Variants in NRK observed in about 807,000 individuals in gnomAD.
NRK encodes Nik related kinase.
NRK carries 67 observed loss-of-function variants against 125.2 expected under a neutral mutation model. That is an observed-to-expected ratio of 0.54 (90% CI 0.44 to 0.66). The LOEUF is 0.66. NRK is among the 30% of genes least tolerant of loss of function. The probability of loss-of-function intolerance (pLI) is 0.00; values close to 1 mark genes in which losing one functional copy is unlikely to be tolerated. For missense variants in NRK, 1,224 were observed against 1,192.9 expected (o/e 1.03, Z -0.38); for synonymous variants, 458 against 429.0 (o/e 1.07, Z -0.84).
intron 10 of NRK, 36 bp from the exon 11 acceptor site, chrX:105,906,378 A>G: frequency 2.2e-6 from 2 of 921,749 alleles, no homozygotes; most frequent in Non-Finnish European, 3.0e-6. Context: ...CAGGACTGAG[A>G]ACACTTTTTT....
chrX:105,937,582 GGTTT>G lies in NRK; in HGVS notation c.3799+5_3799+8del. 3 of 1,184,957 alleles carry G rather than the reference GGTTT, an allele frequency of 2.5e-6. No individual in the cohort carries two copies. Among genetic ancestry groups the G allele is most frequent in the Non-Finnish European group, 3.4e-6 (3 of 878,600 alleles). ...ACTCAATTTGCTGATTACCATCTCA[GGTTT>G]GTTTAAGAACTAAAATTAGCTGAGT... On this transcript the variant is annotated splice_donor_variant and splice_donor_region_variant and intron_variant, in intron 22 of 28. Coordinates refer to ENST00000243300, the MANE Select transcript of NRK (RefSeq NM_198465.4). LOFTEE classifies it high-confidence loss of function.
At chrX:105,896,575 C>G (rs2040085658) in intron 7 of NRK, among the ~76,000 whole-genome samples, 2 of 111,417 alleles carry the variant, frequency 1.8e-5, no homozygotes, top group African/African-American at 6.5e-5. Flanking sequence ...TGCAGTAGCT[C>G]ATACTTATAA....
chrX:105,901,595 A>G (rs1158328818), intron 9 of NRK, among the ~76,000 whole-genome samples: 1 of 111,046 alleles, frequency 9.0e-6, no homozygotes, highest in East Asian at 2.8e-4. Context: ...CTATCTTAGC[A>G]TTTTGTTTCA....
Position 105,915,814 on chromosome X carries a change from T to C in NRK, c.2417+17T>C. On this transcript the variant is annotated intron_variant, in intron 15 of 28. Coordinates refer to ENST00000243300, the MANE Select transcript of NRK (RefSeq NM_198465.4). ...CTCTTCAAGGTATGTGTCTTTGATT[T>C]CTATATTAAAATTATTCATAATTAT... The C allele has an allele frequency of 2.2e-6, 2 of 918,965 alleles. No individual in the cohort carries two copies. The highest frequency in any genetic ancestry group is 3.1e-6 in the Non-Finnish European group (2 of 638,439). 75.7% of individuals were successfully genotyped at this position (918,965 alleles called of 1,213,427 possible).
At position 105,833,714 on chromosome X, in the gene NRK, A is replaced by G. The variant is rs140828739; in HGVS notation, c.123+2595A>G. ...TATTGGGATATAATATATATTTGGT[A>G]AGATTAACTCTTTTAAGTGTACAAC... On this transcript the variant is annotated intron_variant, in intron 2 of 28. Coordinates refer to ENST00000243300, the MANE Select transcript of NRK (RefSeq NM_198465.4). Among the ~76,000 whole-genome samples the G allele has an allele frequency of 5.4e-5, 6 of 111,612 alleles. No individual in the cohort carries two copies. In the East Asian group the frequency reaches 1.4e-3, roughly 26 times the overall value.
chrX:105,890,110 T>G (rs1336973003), intron 5 of NRK, among the ~76,000 whole-genome samples: 1 of 111,713 alleles, frequency 9.0e-6, no homozygotes, highest in Non-Finnish European at 1.9e-5. Flanking sequence ...TTCCAGAAGA[T>G]ACCCTAAATT....
intron 2 of NRK, among the ~76,000 whole-genome samples, chrX:105,860,189 A>G (rs1338738214): frequency 9.0e-6 from 1 of 111,564 alleles, no homozygotes; most frequent in Non-Finnish European, 1.9e-5. Flanking sequence ...AGAGTTAGCT[A>G]ATGATAAACA....
intron 1 of NRK, among the ~76,000 whole-genome samples, chrX:105,829,236 G>A (rs1177628508): frequency 8.9e-6 from 1 of 112,053 alleles, no homozygotes; most frequent in Admixed American, 9.5e-5. Flanking sequence ...ATTGAATGAT[G>A]TAATCCCAAA....
Position 105,956,614 on chromosome X carries a change from A to AT in NRK, c.*1020dup, listed in dbSNP as rs1482406529. The AT allele has an allele frequency of 1.8e-5, 2 of 112,235 alleles. No individual in the cohort carries two copies. The highest frequency in any genetic ancestry group is 3.8e-5 in the Non-Finnish European group (2 of 53,264). The allele number at this position is 112,235 out of a possible 1,213,427, so 9.2% of individuals were successfully genotyped here. A position where few individuals can be genotyped will look rare whatever the true frequency, so the allele number is the denominator to read the frequency against. ...CTAATATCTGTGTTTTTCAGATTTC[A>AT]TTTTTTGTAAAATCAGAAATTAATC... On this transcript the variant is annotated 3_prime_UTR_variant, in exon 29 of 29. Transcript: ENST00000243300.
At chrX:105,891,336 G>A (rs2040014083) in intron 5 of NRK, among the ~76,000 whole-genome samples, 1 of 111,789 alleles carries the variant, frequency 8.9e-6, no homozygotes, top group African/African-American at 3.3e-5. Flanking sequence ...AAGAAAATCA[G>A]TTTTGGTCAA....
chrX:105,871,593 A>G (rs1054956262), intron 2 of NRK, among the ~76,000 whole-genome samples: 4 of 111,132 alleles, frequency 3.6e-5, no homozygotes, highest in Non-Finnish European at 7.6e-5. Context: ...CTGAGTGCCT[A>G]TGATGTGCCA....
chrX:105,840,127 G>A (rs1265559814), intron 2 of NRK, among the ~76,000 whole-genome samples: 2 of 111,589 alleles, frequency 1.8e-5, no homozygotes, highest in African/African-American at 6.5e-5. Context: ...TAGAATCCAG[G>A]CCTCTGAGTT....
chrX:105,917,822 A>G, intron 16 of NRK, 150 bp downstream of exon 16: 9 of 362,333 alleles, frequency 2.5e-5, no homozygotes. Context: ...AGGCCATTGT[A>G]TTTGGCAATT....
rs1178161141 is a variant in NRK, at chrX:105,937,465, T to C, written c.3682T>C (p.Ser1228Pro). ...AGTCAATTTGCTGTTGGGAACCCGA[T>C]CTAATCTATATCTGATGGACAGAAG... ...WGVNLLLGTR[S>P]NLYLMDRSGK... is the part of the protein sequence containing the mutation. The change falls in exon 22 of 29, where the codon TCT (serine) becomes CCT (proline). Residue 1228 changes from serine (S) to proline (P), a missense_variant. Ser to Pro is a moderately conservative substitution (Grantham distance 74). Transcript: ENST00000243300. 1 of 1,188,216 alleles carries C rather than the reference T, an allele frequency of 8.4e-7. No homozygotes were observed. The highest frequency in any genetic ancestry group is 1.1e-6 in the Non-Finnish European group (1 of 879,216).
At chrX:105,862,083 A>G (rs1327324566) in intron 2 of NRK, among the ~76,000 whole-genome samples, 3 of 110,994 alleles carry the variant, frequency 2.7e-5, no homozygotes, top group Admixed American at 9.6e-5. Flanking sequence ...TGATCTATCT[A>G]TCTATCTATC....
intron 5 of NRK, 39 bp from the exon 6 acceptor site, chrX:105,893,793 T>C (rs2040044996): frequency 1.2e-6 from 1 of 835,540 alleles, no homozygotes; most frequent in Admixed American, 2.3e-5. Flanking sequence ...TTCAGAAAAT[T>C]GGACACTAAT....
At chrX:105,831,146 T>C in intron 2 of NRK, 27 bp downstream of exon 2, 1 of 886,813 alleles carries the variant, frequency 1.1e-6, no homozygotes, top group Non-Finnish European at 1.6e-6. Context: ...TATTTATTCA[T>C]TCTTCATTTT....
chrX:105,939,218 A>G (rs758585515), intron 22 of NRK, among the ~76,000 whole-genome samples: 18 of 111,857 alleles, frequency 1.6e-4, no homozygotes, highest in Admixed American at 2.9e-4. Context: ...GTAATAATAA[A>G]CCATAAAAAT....
Position 105,900,678 on chromosome X carries a change from TA to T in NRK, c.766+12del. On this transcript the variant is annotated splice_region_variant and intron_variant, in intron 9 of 28. Coordinates refer to ENST00000243300, the MANE Select transcript of NRK (RefSeq NM_198465.4). ...AATGGCTGAAGGAGCCCCTCGTGAG[TA>T]AAAAATGTTTGATATTTGTTAAAGA... is the stretch of plus-strand genomic sequence containing the variant. 2.8e-6 allele frequency: 3 copies of T among 1,066,428 alleles called. No homozygotes were observed. The highest frequency in any genetic ancestry group is 5.0e-4 in the Middle Eastern group (2 of 4,008). 87.9% of individuals were successfully genotyped at this position (1,066,428 alleles called of 1,213,427 possible).
Sources: gnomAD v4.1 joint callset for allele counts (sites outside exome capture counted in the v4.1 genomes callset) on GRCh38, gnomAD v4.1.1 for gene constraint, MANE v1.5 for transcripts, NCBI Gene and HGNC (gene_info 2026-07-23, HGNC 2026-07-21) for gene names.